Variants in BMPR1B observed in about 807,000 individuals in gnomAD.
BMPR1B encodes bone morphogenetic protein receptor type-1B.
In BMPR1B, 12 loss-of-function variants were observed where a neutral mutation model predicts 59.1. The ratio of observed to expected loss-of-function variants is 0.20; its 90% CI spans 0.13 to 0.33. The LOEUF (loss-of-function observed/expected upper bound fraction) is 0.33. Among genes scored for constraint, BMPR1B ranks in the 10% least tolerant of loss-of-function variants. BMPR1B has a pLI of 1.00. For missense variants in BMPR1B, 550 were observed against 610.9 expected, an observed-to-expected ratio of 0.90 and a Z score of 1.05; for synonymous variants, 237 against 207.3, an observed-to-expected ratio of 1.14 and a Z score of -1.23.
At chr4:94,763,242 C>T (rs1455902503) in intron 1 of BMPR1B, among the ~76,000 whole-genome samples, 2 of 152,206 alleles carry the variant, frequency 1.3e-5, no homozygotes, top group Non-Finnish European at 2.9e-5. Flanking sequence ...GTCTGAGTGT[C>T]ATTTTCCTCT....
intron 3 of BMPR1B, among the ~76,000 whole-genome samples, chr4:95,060,555 A>T (rs1727284761): frequency 6.6e-6 from 1 of 152,226 alleles, no homozygotes; most frequent in Non-Finnish European, 1.5e-5. Context: ...GAGTGAAATG[A>T]AGTAGGAGTC....
intron 2 of BMPR1B, among the ~76,000 whole-genome samples, chr4:94,928,578 GT>G (rs1317894869): frequency 1.6e-4 from 23 of 141,302 alleles, no homozygotes; most frequent in Admixed American, 2.8e-4. Flanking sequence ...AGGCTGGGTT[GT>G]TTTTTTTTTT....
At chr4:94,867,202 C>A (rs1048120693) in intron 1 of BMPR1B, among the ~76,000 whole-genome samples, 25 of 152,098 alleles carry the variant, frequency 1.6e-4, no homozygotes, top group Admixed American at 9.2e-4. Context: ...TGGATAGATA[C>A]CCCATTCTCA....
chr4:94,763,413 C>T (rs953859856), intron 1 of BMPR1B, among the ~76,000 whole-genome samples: 1 of 152,172 alleles, frequency 6.6e-6, no homozygotes, highest in Non-Finnish European at 1.5e-5. Context: ...GTTGGATGCA[C>T]TCCTTTAGAG....
chr4:95,029,531 T>C (rs1224335104), intron 3 of BMPR1B, among the ~76,000 whole-genome samples: 1 of 152,150 alleles, frequency 6.6e-6, no homozygotes, highest in Non-Finnish European at 1.5e-5. Flanking sequence ...AAGTCTTTGC[T>C]ATAATAGTCT....
chr4:95,147,215 A>ATT (rs1734715928), intron 10 of BMPR1B, among the ~76,000 whole-genome samples: 1 of 152,176 alleles, frequency 6.6e-6, no homozygotes, highest in South Asian at 2.1e-4. Flanking sequence ...AAAACATAAA[A>ATT]TTTTAGATTA....
intron 1 of BMPR1B, among the ~76,000 whole-genome samples, chr4:94,819,135 CAAAT>C (rs1383920592): frequency 2.6e-5 from 4 of 151,706 alleles, no homozygotes; most frequent in Non-Finnish European, 1.5e-5. Context: ...GAACCTATCT[CAAAT>C]AAAATTTTTT....
chr4:95,100,912 C>T (rs1256472374), intron 3 of BMPR1B, among the ~76,000 whole-genome samples: 2 of 151,998 alleles, frequency 1.3e-5, no homozygotes, highest in Non-Finnish European at 2.9e-5. Context: ...AAAGTCTTTA[C>T]TTTCTTTAAT....
chr4:94,766,425 T>TA (rs1248787426), intron 1 of BMPR1B, among the ~76,000 whole-genome samples: 5 of 143,762 alleles, frequency 3.5e-5, no homozygotes, highest in Admixed American at 7.2e-5. Flanking sequence ...TTTTTTTTTT[T>TA]AAACTCTTTT....
At chr4:94,914,332 G>T (rs1470299139) in intron 2 of BMPR1B, among the ~76,000 whole-genome samples, 2 of 152,158 alleles carry the variant, frequency 1.3e-5, no homozygotes, top group African/African-American at 2.4e-5. Context: ...AATGAGTTTG[G>T]TTTTGTAATA....
At chr4:95,052,264 A>AT (rs1257481258) in intron 3 of BMPR1B, among the ~76,000 whole-genome samples, 3 of 152,196 alleles carry the variant, frequency 2.0e-5, no homozygotes, top group East Asian at 3.8e-4. Flanking sequence ...TCAAATGTTT[A>AT]TTCACCTTTA....
At chr4:94,817,206 C>T (rs1724044125) in intron 1 of BMPR1B, among the ~76,000 whole-genome samples, 3 of 152,130 alleles carry the variant, frequency 2.0e-5, no homozygotes, top group Admixed American at 2.0e-4. Flanking sequence ...AAATAAATTT[C>T]TGTTTACAGA....
At chr4:94,812,274 G>A (rs1237663681) in intron 1 of BMPR1B, among the ~76,000 whole-genome samples, 1 of 152,134 alleles carries the variant, frequency 6.6e-6, no homozygotes. Context: ...GAGGCTTTGT[G>A]AAGTTTTAAG....
intron 3 of BMPR1B, among the ~76,000 whole-genome samples, chr4:95,090,342 T>C (rs1729889713): frequency 6.6e-6 from 1 of 151,944 alleles, no homozygotes; most frequent in African/African-American, 2.4e-5. Context: ...TTTTCTTCAT[T>C]TCAGCTCTTT....
At chr4:94,859,654 C>T (rs1051775381) in intron 1 of BMPR1B, among the ~76,000 whole-genome samples, 3 of 151,784 alleles carry the variant, frequency 2.0e-5, no homozygotes, top group African/African-American at 7.3e-5. Context: ...AGTTTTGTGG[C>T]CAGATCTTAA....
At chr4:95,035,797 T>A (rs145126868) in intron 3 of BMPR1B, among the ~76,000 whole-genome samples, 243 of 152,296 alleles carry the variant, frequency 1.6e-3, no homozygotes, top group African/African-American at 5.5e-3. Flanking sequence ...TTTAGGATTG[T>A]TTTTTCTAGT....
At chr4:95,148,645 T>C in intron 10 of BMPR1B, 103 bp from the exon 11 acceptor site, 1 of 1,209,336 alleles carries the variant, frequency 8.3e-7, no homozygotes, top group South Asian at 1.3e-5. Context: ...AAAGTTTTTC[T>C]TTTCCACTTT....
intron 2 of BMPR1B, among the ~76,000 whole-genome samples, chr4:94,894,070 A>G (rs1303888636): frequency 6.6e-6 from 1 of 152,078 alleles, no homozygotes; most frequent in Non-Finnish European, 1.5e-5. Flanking sequence ...CATATATCTC[A>G]TAAGCAGGGC....
chr4:94,972,646 A>G lies in BMPR1B; in HGVS notation c.-112-23394A>G, dbSNP rs967488553. Among the ~76,000 whole-genome samples the G allele has an allele frequency of 2.6e-5, 4 of 152,070 alleles. No homozygotes were observed. The East Asian group carries it at 7.7e-4, about 29-fold the overall frequency. Reference sequence around the variant, plus strand: ...CTTCCATTTTTTTTTTGGTCTTATAAGTGGATATAATTATCAGTGAACATG... The same window carrying G: ...CTTCCATTTTTTTTTTGGTCTTATAGGTGGATATAATTATCAGTGAACATG... On this transcript the variant is annotated intron_variant, in intron 2 of 12. Coordinates refer to ENST00000515059, the MANE Select transcript of BMPR1B (RefSeq NM_001203.3).
Sources: allele counts gnomAD v4.1 joint callset (sites outside exome capture counted in the v4.1 genomes callset), GRCh38; gene constraint gnomAD v4.1.1; transcripts MANE v1.5; gene names NCBI Gene and HGNC (gene_info 2026-07-23, HGNC 2026-07-21).